Variants in MAP2K6 observed in about 807,000 individuals in gnomAD.
MAP2K6 encodes the protein dual specificity mitogen-activated protein kinase kinase 6.
Under a neutral mutation model 53.7 loss-of-function variants are expected in MAP2K6, and 16 were observed. The ratio of observed to expected loss-of-function variants is 0.30; its 90% confidence interval spans 0.20 to 0.45. MAP2K6 has a LOEUF of 0.45. Among genes scored for constraint, MAP2K6 ranks in the 20% least tolerant of loss-of-function variants. The pLI is 1.00. For synonymous variants in MAP2K6, 132 were observed against 143.1 expected (o/e 0.92, Z 0.55); for missense variants, 204 against 411.9 (o/e 0.50, Z 4.37).
intron 1 of MAP2K6, among the ~76,000 whole-genome samples, chr17:69,493,582 G>A (rs1040589422): frequency 2.0e-5 from 3 of 152,126 alleles, no homozygotes; most frequent in Middle Eastern, 3.4e-3. Context: ...CCAGCATGGC[G>A]AAACCCCGTC....
chr17:69,433,756 G>A (rs1906548123), intron 1 of MAP2K6: 1 of 152,246 alleles, frequency 6.6e-6, no homozygotes, highest in African/African-American at 2.4e-5. Context: ...GAGAATCAAG[G>A]ATTGGGAGTG....
At chr17:69,458,104 A>C (rs997782238) in intron 1 of MAP2K6, among the ~76,000 whole-genome samples, 1 of 151,772 alleles carries the variant, frequency 6.6e-6, no homozygotes, top group Non-Finnish European at 1.5e-5. Context: ...CCCAGGCTGG[A>C]GTGCAATGGT....
intron 1 of MAP2K6, among the ~76,000 whole-genome samples, chr17:69,444,946 G>A (rs1288671771): frequency 1.3e-5 from 2 of 152,026 alleles, no homozygotes; most frequent in Non-Finnish European, 2.9e-5. Context: ...TTGAGATGAA[G>A]ACTCACTCTT....
At chr17:69,425,127 A>G (rs564979819) in intron 1 of MAP2K6, among the ~76,000 whole-genome samples, 3 of 152,120 alleles carry the variant, frequency 2.0e-5, no homozygotes, top group African/African-American at 7.2e-5. Context: ...TGGCTTAGTG[A>G]CTTTTTTTCT....
Position 69,517,580 on chromosome 17 carries a change from G to C in MAP2K6, c.213G>C (p.Arg71=). The C allele has an allele frequency of 1.2e-6, 2 of 1,607,868 alleles. No homozygotes were observed. The highest frequency in any genetic ancestry group is 1.7e-6 in the Non-Finnish European group (2 of 1,176,266). ...RGAYGVVEKM[R]HVPSGQIMAV... ...CGTACGGGGTGGTGGAGAAGATGCG[G>C]CACGTGCCCAGCGGGCAGATCATGG... The change falls in exon 4 of 12, where the codon CGG becomes CGC. Residue 71 remains arginine (R), a synonymous_variant. Coordinates refer to ENST00000590474, the MANE Select transcript of MAP2K6 (RefSeq NM_002758.4).
chr17:69,439,093 C>A (rs1265494834), intron 1 of MAP2K6, among the ~76,000 whole-genome samples: 1 of 152,170 alleles, frequency 6.6e-6, no homozygotes, highest in Non-Finnish European at 1.5e-5. Flanking sequence ...CTATCTGGCC[C>A]TTTAAAGAAC....
Position 69,541,824 on chromosome 17 carries a change from G to T in MAP2K6, c.*71G>T. Reference sequence around the variant, plus strand: ...TTCGGGGTGAAGCAAGTTCACTACAGCATCAATAGAAAGTCATCTTTGAGA... The same window carrying T: ...TTCGGGGTGAAGCAAGTTCACTACATCATCAATAGAAAGTCATCTTTGAGA... On this transcript the variant is annotated 3_prime_UTR_variant, in exon 12 of 12. Coordinates refer to ENST00000590474, the MANE Select transcript of MAP2K6 (RefSeq NM_002758.4). 2 of 1,098,798 alleles carry T rather than the reference G, an allele frequency of 1.8e-6. No individual in the cohort carries two copies. Among genetic ancestry groups the T allele is most frequent in the Non-Finnish European group, 2.7e-6 (2 of 731,136 alleles). The allele number at this position is 1,098,798 out of a possible 1,614,324, so 68.1% of individuals were successfully genotyped here.
chr17:69,518,467 G>T lies in MAP2K6; in HGVS notation c.247-846G>T, dbSNP rs1428174688. On this transcript the variant is annotated intron_variant, in intron 4 of 11. Transcript: ENST00000590474. ...TGTCTCCATTTGTGGAAAAAGGAGG[G>T]TAAAATATATCTAGAGTAAATTTGC... Among the ~76,000 whole-genome samples the T allele has an allele frequency of 2.6e-5, 4 of 152,276 alleles. 1 individual carries two copies. In the South Asian group the frequency reaches 8.3e-4, roughly 32 times the overall value.
At chr17:69,482,568 A>T (rs1388745896) in intron 1 of MAP2K6, among the ~76,000 whole-genome samples, 2 of 150,802 alleles carry the variant, frequency 1.3e-5, no homozygotes, top group Non-Finnish European at 3.0e-5. Flanking sequence ...TCTGCATCTT[A>T]TTTCACTTAA....
chr17:69,427,103 G>C (rs2145133012), intron 1 of MAP2K6, among the ~76,000 whole-genome samples: 1 of 152,322 alleles, frequency 6.6e-6, no homozygotes, highest in East Asian at 1.9e-4. Context: ...AGCTGGGTCA[G>C]GGAATATTTT....
In MAP2K6 at chr17:69,517,620, T is replaced by C. The variant is rs1456659328; in HGVS notation, c.246+7T>C. 1.9e-6 allele frequency: 3 copies of C among 1,581,962 alleles called. No homozygotes were observed. The East Asian group carries it at 6.9e-5, about 36-fold the overall frequency. ...GCAGATCATGGCAGTGAAGGTAGAG[T>C]TGACATTCTCCCAAATGTTTTATAT... On this transcript the variant is annotated splice_region_variant and intron_variant, in intron 4 of 11. Coordinates refer to ENST00000590474, the MANE Select transcript of MAP2K6 (RefSeq NM_002758.4).
At chr17:69,491,440 G>A (rs1388319095) in intron 1 of MAP2K6, among the ~76,000 whole-genome samples, 4 of 151,898 alleles carry the variant, frequency 2.6e-5, no homozygotes, top group African/African-American at 9.7e-5. Flanking sequence ...CACTGTGCCC[G>A]GCCCACATTT....
intron 4 of MAP2K6, 26 bp from the exon 5 acceptor site, chr17:69,519,287 T>A: frequency 6.2e-7 from 1 of 1,609,804 alleles, no homozygotes; most frequent in African/African-American, 1.3e-5. Flanking sequence ...GTAGTAACCA[T>A]AAATTTTCCA....
intron 1 of MAP2K6, among the ~76,000 whole-genome samples, chr17:69,492,444 G>T (rs1020935918): frequency 4.6e-5 from 7 of 152,092 alleles, no homozygotes; most frequent in Non-Finnish European, 1.5e-5. Context: ...CCACTTTGTC[G>T]AAGATCAGAT....
chr17:69,491,557 G>T (rs571841809), intron 1 of MAP2K6, among the ~76,000 whole-genome samples: 21 of 152,110 alleles, frequency 1.4e-4, no homozygotes, highest in Non-Finnish European at 3.1e-4. Flanking sequence ...ATGGTAGAAT[G>T]ATTTCTATTC....
rs1912148503 is a variant in MAP2K6 at position 69,552,681 on chromosome 17, A to G, written c.*10928A>G. 1 of 152,176 alleles carries G rather than the reference A, an allele frequency of 6.6e-6. No individual in the cohort carries two copies. Among genetic ancestry groups the G allele is most frequent in the East Asian group, 1.9e-4 (1 of 5,194 alleles). 9.4% of individuals were successfully genotyped at this position (152,176 alleles called of 1,614,324 possible). ...GGTGTATATCTAACTGTGTTTTTCTATATGGAAATATATGAGCATCAAGTG... is the reference window on the plus strand; with the variant it reads ...GGTGTATATCTAACTGTGTTTTTCTGTATGGAAATATATGAGCATCAAGTG... On this transcript the variant is annotated 3_prime_UTR_variant, in exon 12 of 12. Coordinates refer to ENST00000590474, the MANE Select transcript of MAP2K6 (RefSeq NM_002758.4).
intron 1 of MAP2K6, among the ~76,000 whole-genome samples, chr17:69,436,363 A>G (rs1488608238): frequency 2.0e-5 from 3 of 152,246 alleles, no homozygotes; most frequent in African/African-American, 7.2e-5. Context: ...GTGATTGTAC[A>G]GTAAATATTT....
intron 1 of MAP2K6, among the ~76,000 whole-genome samples, chr17:69,464,077 A>G: frequency 6.6e-6 from 1 of 152,170 alleles, no homozygotes; most frequent in East Asian, 1.9e-4. Flanking sequence ...TTTTTATTTT[A>G]TTTTTTAATT....
At position 69,424,083 on chromosome 17, in the gene MAP2K6, TATC is replaced by T. The variant is rs544095249; in HGVS notation, c.16+9087_16+9089del. Reference sequence around the variant, plus strand: ...GCATGGGACCAGAGAGGTTTCCAGTTATCATCTCCTGCAAAGTTTAGAGCTGTT... The same window carrying T: ...GCATGGGACCAGAGAGGTTTCCAGTTATCTCCTGCAAAGTTTAGAGCTGTT... On this transcript the variant is annotated intron_variant, in intron 1 of 11. Transcript: ENST00000590474. Among the ~76,000 whole-genome samples, 39 of 152,328 alleles carry T rather than the reference TATC, an allele frequency of 2.6e-4. 1 individual carries two copies. The South Asian group carries it at 8.1e-3, about 32-fold the overall frequency.
Sources: gnomAD v4.1 joint callset for allele counts (sites outside exome capture counted in the v4.1 genomes callset) on GRCh38, gnomAD v4.1.1 for gene constraint, MANE v1.5 for transcripts, NCBI Gene and HGNC (gene_info 2026-07-23, HGNC 2026-07-21) for gene names.